FGF13: variants seen among roughly 807,000 people sequenced by gnomAD.
FGF13 encodes fibroblast growth factor 13.
In FGF13, 2 loss-of-function variants were observed where a neutral mutation model predicts 19.5. That is an observed-to-expected ratio of 0.10 (90% CI 0.04 to 0.32). The LOEUF is 0.32. Among genes scored for constraint, FGF13 ranks in the 10% least tolerant of loss-of-function variants. The probability of loss-of-function intolerance (pLI) is 1.00; values close to 1 mark genes in which losing one functional copy is unlikely to be tolerated. For synonymous variants in FGF13, 72 were observed against 76.9 expected (o/e 0.94, Z 0.33); for missense variants, 113 against 192.7 (o/e 0.59, Z 2.45).
At chrX:138,646,108 CTACATT>C (rs1053108743) in intron 3 of FGF13, among the ~76,000 whole-genome samples, 15 of 111,959 alleles carry the variant, frequency 1.3e-4, no homozygotes, top group Non-Finnish European at 2.4e-4. Context: ...TAAGCAGTGC[CTACATT>C]TAAAGTTTTC....
chrX:138,727,668 C>T (rs908924409), intron 1 of FGF13, among the ~76,000 whole-genome samples: 1 of 111,274 alleles, frequency 9.0e-6, no homozygotes, highest in Non-Finnish European at 1.9e-5. Flanking sequence ...TCTTCATACT[C>T]TACTAAGAAA....
At chrX:138,757,971 A>G (rs1183391632) in intron 3 of FGF13, among the ~76,000 whole-genome samples, 1 of 112,139 alleles carries the variant, frequency 8.9e-6, no homozygotes, top group Admixed American at 9.4e-5. Context: ...ACTCAGGTCA[A>G]TTGTACTTCA....
chrX:138,968,291 T>G (rs756716436), intron 1 of FGF13, among the ~76,000 whole-genome samples: 1 of 112,238 alleles, frequency 8.9e-6, no homozygotes, highest in South Asian at 3.7e-4. Flanking sequence ...CCCATACTTT[T>G]AAGGAAATAT....
Position 138,984,591 on chromosome X carries a change from G to GAAGAAGA in FGF13, c.-112-119942_-112-119941insTCTTCTT, listed in dbSNP as rs1390994166. ...GAAGAAGAAGAAGAAGAAGAAGAAGGAGGAGGAGGAGGAGGAGGAGGAGGA... is the reference window on the plus strand; with the variant it reads ...GAAGAAGAAGAAGAAGAAGAAGAAGGAAGAAGAAGGAGGAGGAGGAGGAGGAGGAGGA... On this transcript the variant is annotated intron_variant, in intron 1 of 2. Transcript: ENST00000421460. Among the ~76,000 whole-genome samples the GAAGAAGA allele has an allele frequency of 2.2e-3, 41 of 18,629 alleles. 4 individuals carry two copies. Among genetic ancestry groups the GAAGAAGA allele is most frequent in the East Asian group, 5.3e-3 (3 of 565 alleles). 16.2% of individuals were successfully genotyped at this position (18,629 alleles called of 115,157 possible).
chrX:138,652,307 A>C (rs1189904543), intron 3 of FGF13, among the ~76,000 whole-genome samples: 2 of 111,262 alleles, frequency 1.8e-5, no homozygotes, highest in Non-Finnish European at 3.8e-5. Flanking sequence ...AGAAACCCTT[A>C]TCTCTCCGCA....
chrX:138,982,015 G>A (rs745732473), intron 1 of FGF13, among the ~76,000 whole-genome samples: 1 of 111,627 alleles, frequency 9.0e-6, no homozygotes, highest in East Asian at 2.8e-4. Flanking sequence ...GGCCACTTTA[G>A]CGAGCATGAG....
At chrX:138,978,719 G>A (rs2091951249) in intron 1 of FGF13, among the ~76,000 whole-genome samples, 1 of 111,725 alleles carries the variant, frequency 9.0e-6, no homozygotes, top group African/African-American at 3.3e-5. Context: ...TTACAGAGGG[G>A]GAAACTGAAG....
intron 1 of FGF13, among the ~76,000 whole-genome samples, chrX:139,144,523 TG>T (rs1384053869): frequency 9.5e-6 from 1 of 105,656 alleles, no homozygotes; most frequent in Non-Finnish European, 1.9e-5. Context: ...CTGCCTTGCC[TG>T]GACTCCTGCA....
chrX:138,694,797 G>A (rs1248185258), intron 3 of FGF13, among the ~76,000 whole-genome samples: 1 of 109,746 alleles, frequency 9.1e-6, no homozygotes, highest in Non-Finnish European at 1.9e-5. Flanking sequence ...TTCTACCTCA[G>A]TTTAGCTATC....
chrX:139,013,689 G>A (rs1366833230), intron 1 of FGF13, among the ~76,000 whole-genome samples: 5 of 107,134 alleles, frequency 4.7e-5, no homozygotes, highest in African/African-American at 1.0e-4. Context: ...CTATGAGGAC[G>A]CAAAGGTATA....
At chrX:139,013,819 C>T (rs1301752230) in intron 1 of FGF13, among the ~76,000 whole-genome samples, 1 of 108,935 alleles carries the variant, frequency 9.2e-6, no homozygotes, top group Non-Finnish European at 1.9e-5. Flanking sequence ...TCTCAGAAAT[C>T]ACAACTAAAG....
chrX:138,629,850 A>T lies in FGF13; in HGVS notation c.*3000T>A, dbSNP rs1468735756. 1 of 111,792 alleles carries T rather than the reference A, an allele frequency of 8.9e-6. No homozygotes were observed. The highest frequency in any genetic ancestry group is 3.3e-5 in the African/African-American group (1 of 30,710). The allele number at this position is 111,792 out of a possible 1,213,427, so 9.2% of individuals were successfully genotyped here. On this transcript the variant is annotated 3_prime_UTR_variant, in exon 5 of 5. Transcript: ENST00000315930. ...GGTGAAGTCCAGTGATCTGAGTCTT[A>T]CAAGCCTTCCAGGTGATTCTGATGT...
At chrX:139,195,064 T>C (rs762216601) in intron 1 of FGF13, among the ~76,000 whole-genome samples, 21 of 112,061 alleles carry the variant, frequency 1.9e-4, no homozygotes, top group African/African-American at 6.8e-4. Context: ...GTTTCTTTTT[T>C]AGGCAGCTGC....
chrX:139,120,018 G>A (rs6635769), intron 1 of FGF13, among the ~76,000 whole-genome samples: 11,843 of 111,491 alleles, frequency 0.11, 578 homozygotes, highest in East Asian at 0.16. Context: ...CCCCCATGCC[G>A]TTCTCATGAT....
At chrX:138,843,454 T>C (rs193245162) in intron 3 of FGF13, among the ~76,000 whole-genome samples, 21 of 112,230 alleles carry the variant, frequency 1.9e-4, no homozygotes, top group African/African-American at 6.1e-4. Context: ...GTATTGGATA[T>C]GCTAAGGAAA....
chrX:138,885,738 TTGAA>T (rs1445387427), intron 1 of FGF13, among the ~76,000 whole-genome samples: 1 of 109,186 alleles, frequency 9.2e-6, no homozygotes. Flanking sequence ...ACGGCCCCTC[TTGAA>T]TGTTAACTCC....
intron 3 of FGF13, among the ~76,000 whole-genome samples, chrX:138,835,921 G>A (rs1364492403): frequency 2.7e-5 from 3 of 110,189 alleles, no homozygotes; most frequent in Non-Finnish European, 5.7e-5. Flanking sequence ...AGCTTAGTTC[G>A]GCCAGATATG....
At chrX:138,722,699 T>C (rs1237453901) in intron 1 of FGF13, among the ~76,000 whole-genome samples, 4 of 111,381 alleles carry the variant, frequency 3.6e-5, no homozygotes, top group Non-Finnish European at 5.7e-5. Context: ...TTGAAAATGA[T>C]AATATCTATA....
chrX:138,796,647 A>G (rs763037751), intron 3 of FGF13, among the ~76,000 whole-genome samples: 22 of 111,864 alleles, frequency 2.0e-4, no homozygotes, highest in Admixed American at 1.4e-3. Flanking sequence ...GAGTGGCCAC[A>G]CTGTCTTCCA....
Sources: allele counts gnomAD v4.1 joint callset (sites outside exome capture counted in the v4.1 genomes callset), GRCh38; gene constraint gnomAD v4.1.1; transcripts MANE v1.5; gene names NCBI Gene and HGNC (gene_info 2026-07-23, HGNC 2026-07-21).